RCHY1: variants seen among roughly 807,000 people sequenced by gnomAD.
RCHY1 encodes ring finger and CHY zinc finger domain containing 1, also known as RING finger and CHY zinc finger domain-containing protein 1.
Under a neutral mutation model 41.6 loss-of-function variants are expected in RCHY1, and 21 were observed. The observed-to-expected ratio is 0.51, with a 90% CI of 0.36 to 0.73. The LOEUF is 0.73. Among genes scored for constraint, RCHY1 ranks in the 30% least tolerant of loss-of-function variants. The probability of loss-of-function intolerance (pLI) is 0.00; values close to 1 mark genes in which losing one functional copy is unlikely to be tolerated. For synonymous variants in RCHY1, 79 were observed against 102.9 expected, an observed-to-expected ratio of 0.77 and a Z score of 1.41; for missense variants, 265 against 325.3, an observed-to-expected ratio of 0.81 and a Z score of 1.43.
intron 8 of RCHY1, among the ~76,000 whole-genome samples, chr4:75,487,854 TATATATATTCATA>T (rs1215506896): frequency 1.2e-4 from 11 of 92,240 alleles, no homozygotes; most frequent in South Asian, 3.0e-4. Flanking sequence ...ATATTCATAA[TATATATATTCATA>T]ATATATATTC....
In RCHY1 at chr4:75,490,254, A is replaced by T. The variant is rs573600970; in HGVS notation, c.657+327T>A. ...AAATAATTAAAAATAAAATGTACTT[A>T]AAAAGTCCCACCAGTGATCCAACCC... On this transcript the variant is annotated intron_variant, in intron 8 of 8. Coordinates refer to ENST00000324439, the MANE Select transcript of RCHY1 (RefSeq NM_015436.4). Among the ~76,000 whole-genome samples, 8 of 152,260 alleles carry T rather than the reference A, an allele frequency of 5.3e-5. No homozygotes were observed. In the East Asian group the frequency reaches 1.4e-3, roughly 26 times the overall value.
In RCHY1 at chr4:75,494,093, T is replaced by A; in HGVS notation, c.405+8A>T. The A allele has an allele frequency of 6.8e-7, 1 of 1,463,088 alleles. No homozygotes were observed. Among genetic ancestry groups the A allele is most frequent in the East Asian group, 2.4e-5 (1 of 40,972 alleles). 90.6% of individuals were successfully genotyped at this position (1,463,088 alleles called of 1,614,324 possible). A position where few individuals can be genotyped will look rare whatever the true frequency, so the allele number is the denominator to read the frequency against. On this transcript the variant is annotated splice_region_variant and intron_variant, in intron 4 of 8. Coordinates refer to ENST00000324439, the MANE Select transcript of RCHY1 (RefSeq NM_015436.4). The stretch of plus-strand genomic sequence containing the variant: ...TATTTTTAAAATTATACAAACTAAA[T>A]TATATACCTTGTGTCTTCCTTGAAG...
intron 1 of RCHY1, among the ~76,000 whole-genome samples, chr4:75,511,789 T>C (rs1362507181): frequency 6.6e-6 from 1 of 150,398 alleles, no homozygotes. Flanking sequence ...TTTTCCACCA[T>C]CAATGCGTGT....
intron 4 of RCHY1, among the ~76,000 whole-genome samples, chr4:75,493,766 A>C (rs1294820380): frequency 6.6e-6 from 1 of 151,870 alleles, no homozygotes. Context: ...TGTTGTGCTA[A>C]TTAGGTTACA....
At chr4:75,508,674 C>T (rs545975037) in intron 3 of RCHY1, 146 bp downstream of exon 3, 19 of 480,800 alleles carry the variant, frequency 4.0e-5, no homozygotes, top group South Asian at 2.4e-4. Flanking sequence ...AAAGAGATAC[C>T]GGTATTTATC....
Position 75,494,685 on chromosome 4 carries a change from CAT to C in RCHY1, c.327-508_327-507del, listed in dbSNP as rs1277453567. ...CCTTGTCCAGACATCACTTAGTTCA[CAT>C]GTTGATTATTTTTTACGAGATTCCT... On this transcript the variant is annotated intron_variant, in intron 3 of 8. Coordinates refer to ENST00000324439, the MANE Select transcript of RCHY1 (RefSeq NM_015436.4). Among the ~76,000 whole-genome samples, 6 of 151,912 alleles carry C rather than the reference CAT, an allele frequency of 3.9e-5. No individual in the cohort carries two copies. In the East Asian group the frequency reaches 1.2e-3, roughly 29 times the overall value.
At position 75,514,337 on chromosome 4, in the gene RCHY1, C is replaced by T. The variant is rs746669127; in HGVS notation, c.-51G>A. The T allele has an allele frequency of 8.9e-6, 14 of 1,577,228 alleles. No homozygotes were observed. The South Asian group carries it at 1.3e-4, about 15-fold the overall frequency. ...CCGATCCTTCCCCCAGGATAAAAAC[C>T]ACGCCCAGAGAAGCTGCGCCTCTCT... On this transcript the variant is annotated 5_prime_UTR_variant, in exon 1 of 9. Transcript: ENST00000324439.
At chr4:75,505,342 A>T (rs997593232) in intron 3 of RCHY1, among the ~76,000 whole-genome samples, 6 of 152,210 alleles carry the variant, frequency 3.9e-5, no homozygotes, top group Non-Finnish European at 7.3e-5. Flanking sequence ...GGACCCTGAT[A>T]TAAGGCACTC....
In RCHY1 at chr4:75,480,047, G is replaced by C. The variant is rs1721400501; in HGVS notation, c.*2491C>G. 2 of 152,152 alleles carry C rather than the reference G, an allele frequency of 1.3e-5. No individual in the cohort carries two copies. The highest frequency in any genetic ancestry group is 6.5e-5 in the Admixed American group (1 of 15,272). 9.4% of individuals were successfully genotyped at this position (152,152 alleles called of 1,614,324 possible). A position where few individuals can be genotyped will look rare whatever the true frequency, so the allele number is the denominator to read the frequency against. ...AAGTTTTGCATACTGAATGGTAAGGGATGTAGATTTTATTCTTATTGTGAA... is the reference window on the plus strand; with the variant it reads ...AAGTTTTGCATACTGAATGGTAAGGCATGTAGATTTTATTCTTATTGTGAA... On this transcript the variant is annotated 3_prime_UTR_variant, in exon 9 of 9. Coordinates refer to ENST00000324439, the MANE Select transcript of RCHY1 (RefSeq NM_015436.4).
intron 8 of RCHY1, among the ~76,000 whole-genome samples, chr4:75,489,921 T>G (rs1218732257): frequency 6.6e-6 from 1 of 152,154 alleles, no homozygotes; most frequent in Non-Finnish European, 1.5e-5. Flanking sequence ...TCCACACTCT[T>G]GGAAGTGGAC....
rs376282741 is a variant in RCHY1, at chr4:75,479,975, T to G, written c.*2563A>C. The G allele has an allele frequency of 1.3e-5, 2 of 152,210 alleles. No homozygotes were observed. The highest frequency in any genetic ancestry group is 6.5e-5 in the Admixed American group (1 of 15,278). 9.4% of individuals were successfully genotyped at this position (152,210 alleles called of 1,614,324 possible). ...CTTATAGAGGTATAACCTATACTTA[T>G]GAAGTCAGAGAAAGAAAAAATATTT... On this transcript the variant is annotated 3_prime_UTR_variant, in exon 9 of 9. Transcript: ENST00000324439.
rs1475804993 is a variant in RCHY1 at position 75,480,416 on chromosome 4, G to T, written c.*2122C>A. ...TAGAAGTTTAGATCAAAAGCAATGT[G>T]GTAAAAGTGGGTTTGGAGTCAAACT... On this transcript the variant is annotated 3_prime_UTR_variant, in exon 9 of 9. Coordinates refer to ENST00000324439, the MANE Select transcript of RCHY1 (RefSeq NM_015436.4). 1 of 152,110 alleles carries T rather than the reference G, an allele frequency of 6.6e-6. No individual in the cohort carries two copies. The highest frequency in any genetic ancestry group is 1.5e-5 in the Non-Finnish European group (1 of 67,998). The allele number at this position is 152,110 out of a possible 1,614,324, so 9.4% of individuals were successfully genotyped here. A position where few individuals can be genotyped will look rare whatever the true frequency, so the allele number is the denominator to read the frequency against.
At chr4:75,511,829 A>G (rs959614486) in intron 1 of RCHY1, among the ~76,000 whole-genome samples, 4 of 152,012 alleles carry the variant, frequency 2.6e-5, no homozygotes, top group Non-Finnish European at 4.4e-5. Context: ...AAAAAAACAA[A>G]TATCTTAGTG....
rs1486084862 is a variant in RCHY1 at position 75,479,178 on chromosome 4, AT to A, written c.*3359del. The A allele has an allele frequency of 2.6e-5, 4 of 152,152 alleles. No homozygotes were observed. Among genetic ancestry groups the A allele is most frequent in the African/African-American group, 7.2e-5 (3 of 41,446 alleles). The allele number at this position is 152,152 out of a possible 1,614,324, so 9.4% of individuals were successfully genotyped here. On this transcript the variant is annotated 3_prime_UTR_variant, in exon 9 of 9. Coordinates refer to ENST00000324439, the MANE Select transcript of RCHY1 (RefSeq NM_015436.4). ...AAAAATGGTATGAGGCAATAAATTT[AT>A]TACATTGATTTAATCATTCTACACT...
chr4:75,493,010 A>G (rs925616336), intron 4 of RCHY1, among the ~76,000 whole-genome samples: 3 of 152,018 alleles, frequency 2.0e-5, no homozygotes, highest in Non-Finnish European at 4.4e-5. Flanking sequence ...ATGGAATGTA[A>G]ATGCTGAGGT....
chr4:75,511,579 T>C (rs1288403429), intron 1 of RCHY1, among the ~76,000 whole-genome samples: 3 of 152,186 alleles, frequency 2.0e-5, no homozygotes, highest in Non-Finnish European at 4.4e-5. Flanking sequence ...TTTGCAGAAG[T>C]GTTTGATCAA....
intron 4 of RCHY1, 47 bp from the exon 5 acceptor site, chr4:75,491,980 A>G (rs746834048): frequency 2.9e-6 from 4 of 1,381,412 alleles, no homozygotes; most frequent in Non-Finnish European, 3.9e-6. Flanking sequence ...ACTAGATTAA[A>G]ATGTCAGGTA....
At chr4:75,503,704 A>AT (rs953035095) in intron 3 of RCHY1, among the ~76,000 whole-genome samples, 4 of 151,538 alleles carry the variant, frequency 2.6e-5, no homozygotes, top group Non-Finnish European at 5.9e-5. Context: ...AAAAAAATTA[A>AT]TTAAAAAAAA....
intron 3 of RCHY1, among the ~76,000 whole-genome samples, chr4:75,498,031 G>C (rs896129632): frequency 6.9e-6 from 1 of 144,128 alleles, no homozygotes. Context: ...AAAAAAATGA[G>C]AGTGAGACTA....
Sources: allele counts gnomAD v4.1 joint callset (sites outside exome capture counted in the v4.1 genomes callset), GRCh38; gene constraint gnomAD v4.1.1; transcripts MANE v1.5; gene names NCBI Gene and HGNC (gene_info 2026-07-23, HGNC 2026-07-21).